Variants in RBPJ observed in about 807,000 individuals in gnomAD.
RBPJ encodes the protein recombination signal binding protein for immunoglobulin kappa J region.
Under a neutral mutation model 67.8 loss-of-function variants are expected in RBPJ, and 9 were observed. The observed-to-expected ratio is 0.13, with a 90% confidence interval of 0.08 to 0.23. The LOEUF is 0.23. Ranked by LOEUF, RBPJ falls within the 10% of genes least tolerant of loss-of-function variation. The probability of loss-of-function intolerance (pLI) is 1.00; values close to 1 mark genes in which losing one functional copy is unlikely to be tolerated. For synonymous variants in RBPJ, 198 were observed against 203.3 expected, an observed-to-expected ratio of 0.97 and a Z score of 0.22; for missense variants, 305 against 595.6, an observed-to-expected ratio of 0.51 and a Z score of 5.08.
At chr4:26,319,803 T>G, upstream of RBPJ, 2 of 1,394,890 alleles carry the variant, frequency 1.4e-6, no homozygotes, top group Non-Finnish European at 2.0e-6. Flanking sequence ...TCTCCGGGTT[T>G]TGGGGCTCCC....
chr4:26,156,503 C>G, the RBPJ span, among the ~76,000 whole-genome samples: 2 of 146,382 alleles, frequency 1.4e-5, no homozygotes, highest in East Asian at 4.1e-4. Flanking sequence ...ACTGCAACCT[C>G]TGTCTCCTGT....
chr4:26,210,672 T>TTC (rs1486885756), intron 1 of RBPJ, among the ~76,000 whole-genome samples: 1 of 23,440 alleles, frequency 4.3e-5, no homozygotes, highest in Non-Finnish European at 1.1e-4. Context: ...TTTTCTTTCT[T>TTC]TCTTTCTTTC....
chr4:26,362,392 T>C lies in RBPJ; in HGVS notation c.21-23961T>C, dbSNP rs571508986. The C allele has an allele frequency of 7.7e-5, 86 of 1,112,736 alleles. No homozygotes were observed. The South Asian group carries it at 1.6e-3, about 21-fold the overall frequency. The allele number at this position is 1,112,736 out of a possible 1,614,324, so 68.9% of individuals were successfully genotyped here. On this transcript the variant is annotated intron_variant, in intron 1 of 10. Transcript: ENST00000355476. ...CATGGCAGCAGTTAACACAGTGCAC[T>C]AGCAGTTTAACATACCAACACTTAA...
chr4:26,402,897 T>C (rs1024309458), intron 2 of RBPJ, among the ~76,000 whole-genome samples: 4 of 152,118 alleles, frequency 2.6e-5, no homozygotes, highest in Non-Finnish European at 4.4e-5. Flanking sequence ...CACTTCAGAG[T>C]TGACTTTTGT....
At chr4:26,351,956 G>A (rs1057399837) in intron 1 of RBPJ, among the ~76,000 whole-genome samples, 1 of 152,174 alleles carries the variant, frequency 6.6e-6, no homozygotes, top group African/African-American at 2.4e-5. Context: ...GGGTCGGGGG[G>A]AGGTGTGTGG....
intron 1 of RBPJ, among the ~76,000 whole-genome samples, chr4:26,332,039 A>AATG (rs1284996886): frequency 9.2e-5 from 14 of 152,358 alleles, no homozygotes; most frequent in Admixed American, 2.6e-4. Context: ...GGGATTCATT[A>AATG]AGTCTGTTGT....
intron 7 of RBPJ, among the ~76,000 whole-genome samples, chr4:26,426,226 T>C (rs772290663): frequency 6.6e-6 from 1 of 152,206 alleles, no homozygotes; most frequent in Non-Finnish European, 1.5e-5. Flanking sequence ...GTTCATTTGC[T>C]TTGGTGTTAA....
the RBPJ span, among the ~76,000 whole-genome samples, chr4:26,130,143 G>A: frequency 6.6e-6 from 1 of 152,208 alleles, no homozygotes; most frequent in Non-Finnish European, 1.5e-5. Context: ...TTACAGGCAT[G>A]AGCCACCATG....
chr4:26,136,141 C>G, the RBPJ span, among the ~76,000 whole-genome samples: 2 of 152,214 alleles, frequency 1.3e-5, no homozygotes, highest in Non-Finnish European at 2.9e-5. Context: ...GGGAAACCAT[C>G]CCCATGATTC....
At chr4:26,273,640 T>G (rs1041802765) in intron 1 of RBPJ, among the ~76,000 whole-genome samples, 1 of 152,212 alleles carries the variant, frequency 6.6e-6, no homozygotes, top group African/African-American at 2.4e-5. Context: ...CTAGGGGTAC[T>G]AATCTTTCTG....
At chr4:26,279,568 G>A (rs982332410) in intron 1 of RBPJ, among the ~76,000 whole-genome samples, 3 of 152,150 alleles carry the variant, frequency 2.0e-5, no homozygotes, top group Admixed American at 6.5e-5. Context: ...GAGCCACCAC[G>A]CCCGGCCTGT....
intron 1 of RBPJ, among the ~76,000 whole-genome samples, chr4:26,374,021 C>A (rs1048128318): frequency 1.3e-5 from 2 of 148,472 alleles, no homozygotes; most frequent in Admixed American, 1.4e-4. Context: ...TGGGTTCAAG[C>A]GTTTCTCCTG....
At chr4:26,388,613 C>G (rs1731167342) in intron 2 of RBPJ, among the ~76,000 whole-genome samples, 1 of 152,222 alleles carries the variant, frequency 6.6e-6, no homozygotes, top group Non-Finnish European at 1.5e-5. Context: ...CACTCTCTCT[C>G]TCTCTCTCTC....
intron 1 of RBPJ, among the ~76,000 whole-genome samples, chr4:26,380,083 T>A (rs1040294079): frequency 6.6e-6 from 1 of 152,282 alleles, no homozygotes; most frequent in South Asian, 2.1e-4. Context: ...AAGGCTGACA[T>A]AGTGTCTTAT....
chr4:26,277,962 C>T (rs1721138047), intron 1 of RBPJ, among the ~76,000 whole-genome samples: 2 of 152,272 alleles, frequency 1.3e-5, no homozygotes, highest in African/African-American at 4.8e-5. Flanking sequence ...GCTTATTCCT[C>T]ATGTATATGT....
At chr4:26,393,695 GT>G (rs111741934) in intron 2 of RBPJ, among the ~76,000 whole-genome samples, 9 of 150,456 alleles carry the variant, frequency 6.0e-5, no homozygotes, top group African/African-American at 7.3e-5. Flanking sequence ...TTTTTAAAAT[GT>G]TTTTTTTTCC....
At chr4:26,276,145 C>T (rs1020336009) in intron 1 of RBPJ, among the ~76,000 whole-genome samples, 4 of 150,872 alleles carry the variant, frequency 2.7e-5, no homozygotes, top group African/African-American at 4.9e-5. Context: ...CATGGTGGCA[C>T]ATGCCTGTAG....
intron 1 of RBPJ, among the ~76,000 whole-genome samples, chr4:26,212,432 C>CTTTTTTTTTTTTT (rs370447105): frequency 3.6e-5 from 4 of 112,234 alleles, no homozygotes; most frequent in Non-Finnish European, 7.1e-5. Context: ...CTTTTCTTTT[C>CTTTTTTTTTTTTT]TTTTTTTTTT....
chr4:26,244,385 G>GTA lies in RBPJ; in HGVS notation c.-167+80777_-167+80778dup, dbSNP rs1314154025. ...TATGCACATATGTGTACACGTGTGTGTATATATGTATGCACATATGTGTGT... is the reference window on the plus strand; with the variant it reads ...TATGCACATATGTGTACACGTGTGTGTATATATATGTATGCACATATGTGTGT... On this transcript the variant is annotated intron_variant, in intron 1 of 4. Coordinates refer to the RBPJ transcript ENST00000512351. 7.5e-4 allele frequency among the ~76,000 whole-genome samples: 6 copies of GTA among 8,034 alleles called. 1 individual carries two copies. The highest frequency in any genetic ancestry group is 1.3e-3 in the African/African-American group (5 of 3,816). The allele number at this position is 8,034 out of a possible 152,430, so 5.3% of individuals were successfully genotyped here.
Sources: gnomAD v4.1 joint callset for allele counts (sites outside exome capture counted in the v4.1 genomes callset) on GRCh38, gnomAD v4.1.1 for gene constraint, MANE v1.5 for transcripts, NCBI Gene and HGNC (gene_info 2026-07-23, HGNC 2026-07-21) for gene names.